CR1L: variants seen among roughly 807,000 people sequenced by gnomAD.
CR1L encodes complement C3b/C4b receptor 1 like.
In CR1L, 59 loss-of-function variants were observed where a neutral mutation model predicts 62.3. The observed-to-expected ratio is 0.95, with a 90% CI of 0.77 to 1.18. The LOEUF is 1.18. Ranked by LOEUF, CR1L falls within the 50% of genes most tolerant of loss-of-function variation. The pLI is 0.00. For synonymous variants in CR1L, 279 were observed against 248.7 expected (o/e 1.12, Z -1.15); for missense variants, 700 against 702.8 (o/e 1.00, Z 0.04).
At chr1:207,693,342 C>A (rs1383947776) in intron 4 of CR1L, among the ~76,000 whole-genome samples, 3 of 152,078 alleles carry the variant, frequency 2.0e-5, no homozygotes, top group Non-Finnish European at 2.9e-5. Flanking sequence ...GGTCTCAAAC[C>A]CCTGACCTCA....
chr1:207,698,423 T>C (rs1397799055), intron 7 of CR1L, among the ~76,000 whole-genome samples: 3 of 152,208 alleles, frequency 2.0e-5, no homozygotes, highest in Non-Finnish European at 4.4e-5. Flanking sequence ...GGGGTTCTGA[T>C]GGCTGCTGTT....
At chr1:207,645,931 A>T (rs1276117366) in intron 1 of CR1L, among the ~76,000 whole-genome samples, 1 of 152,192 alleles carries the variant, frequency 6.6e-6, no homozygotes, top group East Asian at 1.9e-4. Flanking sequence ...TGGGCAAGAC[A>T]GCTCACTGTT....
chr1:207,651,166 C>T (rs189922530), intron 1 of CR1L, among the ~76,000 whole-genome samples: 1 of 152,196 alleles, frequency 6.6e-6, no homozygotes, highest in Non-Finnish European at 1.5e-5. Flanking sequence ...GATATAATGG[C>T]ACCTACTGTT....
chr1:207,693,740 C>T (rs1664029049), intron 4 of CR1L, among the ~76,000 whole-genome samples: 1 of 151,508 alleles, frequency 6.6e-6, no homozygotes, highest in African/African-American at 2.4e-5. Flanking sequence ...CTTGAAAGTT[C>T]AATAGAGCTT....
rs370932489 is a variant in CR1L at position 207,697,539 on chromosome 1, G to T, written c.899G>T (p.Arg300Leu). The T allele has an allele frequency of 6.2e-7, 1 of 1,613,766 alleles. No homozygotes were observed. Among genetic ancestry groups the T allele is most frequent in the Non-Finnish European group, 8.5e-7 (1 of 1,179,726 alleles). Reference protein sequence around the residue: ...QPPPDVLHAERTQRDKDNFSP... With the variant: ...QPPPDVLHAELTQRDKDNFSP... ...CCTCCAGATGTCCTGCATGCTGAGC[G>T]TACCCAAAGGGACAAGGACAACTTT... Residue 300 changes from arginine to leucine, a missense_variant, in exon 6 of 12, where the codon CGT (arginine) becomes CTT (leucine). Transcript: ENST00000508064.
At chr1:207,648,623 C>T (rs893597747) in intron 1 of CR1L, among the ~76,000 whole-genome samples, 1 of 152,172 alleles carries the variant, frequency 6.6e-6, no homozygotes, top group Non-Finnish European at 1.5e-5. Context: ...ATTCATTCCT[C>T]CAGAAGAGGA....
chr1:207,714,059 C>T (rs139355927), intron 10 of CR1L, among the ~76,000 whole-genome samples: 116 of 152,296 alleles, frequency 7.6e-4, no homozygotes, highest in African/African-American at 1.9e-3. Flanking sequence ...GTTCTTGTCC[C>T]GCATCCAAGA....
At chr1:207,694,830 G>C (rs1245969052) in intron 5 of CR1L, 79 bp downstream of exon 5, 2 of 1,605,092 alleles carry the variant, frequency 1.2e-6, no homozygotes, top group Non-Finnish European at 1.7e-6. Context: ...ATTTGTTCAG[G>C]GGGAGGGATT....
intron 1 of CR1L, among the ~76,000 whole-genome samples, chr1:207,649,456 C>T (rs997386694): frequency 1.3e-5 from 2 of 152,138 alleles, no homozygotes; most frequent in African/African-American, 4.8e-5. Flanking sequence ...CAGCTTGAGC[C>T]CTTTTGTTTG....
chr1:207,696,974 C>T (rs1347393277), intron 5 of CR1L, among the ~76,000 whole-genome samples: 1 of 152,154 alleles, frequency 6.6e-6, no homozygotes, highest in African/African-American at 2.4e-5. Context: ...AGTTCTTTAC[C>T]ACCCTATGTC....
At chr1:207,647,088 G>T (rs536544174) in intron 1 of CR1L, among the ~76,000 whole-genome samples, 3 of 152,134 alleles carry the variant, frequency 2.0e-5, no homozygotes, top group African/African-American at 7.2e-5. Flanking sequence ...GCTTAATGCC[G>T]GGAACACAGT....
At chr1:207,669,321 C>G in intron 1 of CR1L, 1 of 646,650 alleles carries the variant, frequency 1.5e-6, no homozygotes, top group South Asian at 1.7e-5. Flanking sequence ...CCCGGAACCC[C>G]GCAGCCCTCC....
Position 207,717,475 on chromosome 1 carries a change from C to G in CR1L, c.1426C>G (p.Pro476Ala). 1 of 1,613,412 alleles carries G rather than the reference C, an allele frequency of 6.2e-7. No homozygotes were observed. The change falls in exon 11 of 12, where the codon CCA becomes GCA. Residue 476 changes from proline to alanine, a missense_variant. Pro to Ala is a conservative substitution (Grantham distance 27). Transcript: ENST00000508064. ...KPPICQQIFC[P>A]NPPAILNGRH... is the part of the protein sequence containing the mutation. Reference sequence around the variant, plus strand: ...TGTTTTCTTTCTAGAAATCTTTTGTCCAAATCCTCCAGCTATCCTTAATGG... The same window carrying G: ...TGTTTTCTTTCTAGAAATCTTTTGTGCAAATCCTCCAGCTATCCTTAATGG...
intron 11 of CR1L, among the ~76,000 whole-genome samples, chr1:207,720,050 T>A (rs1654094980): frequency 6.6e-6 from 1 of 152,186 alleles, no homozygotes; most frequent in Non-Finnish European, 1.5e-5. Context: ...GGGCAATTCT[T>A]AAGTTGGATG....
intron 11 of CR1L, among the ~76,000 whole-genome samples, chr1:207,722,596 C>A (rs1461447897): frequency 6.6e-6 from 1 of 151,834 alleles, no homozygotes; most frequent in Non-Finnish European, 1.5e-5. Flanking sequence ...GTTACTGTAG[C>A]CTTGTAGTAT....
intron 4 of CR1L, among the ~76,000 whole-genome samples, chr1:207,692,932 T>C (rs1203469645): frequency 6.6e-6 from 1 of 152,218 alleles, no homozygotes; most frequent in Non-Finnish European, 1.5e-5. Context: ...ATCAATCCTA[T>C]ATGAAACTAT....
intron 11 of CR1L, among the ~76,000 whole-genome samples, chr1:207,723,320 C>A (rs557440430): frequency 8.6e-5 from 13 of 151,334 alleles, no homozygotes; most frequent in African/African-American, 2.9e-4. Flanking sequence ...TTCCCAGCTA[C>A]ACAGGAGGCT....
chr1:207,696,087 A>C (rs554029718), intron 5 of CR1L, among the ~76,000 whole-genome samples: 1 of 152,224 alleles, frequency 6.6e-6, no homozygotes, highest in Admixed American at 6.5e-5. Flanking sequence ...GAGTTACCAG[A>C]GATCAGGGAG....
intron 3 of CR1L, among the ~76,000 whole-genome samples, chr1:207,683,023 T>TTTCC (rs1165287608): frequency 2.5e-4 from 30 of 121,492 alleles, no homozygotes; most frequent in Admixed American, 7.3e-4. Context: ...TCTTTCTTTC[T>TTTCC]TTCCTTCCTT....
Sources: gnomAD v4.1 joint callset for allele counts (sites outside exome capture counted in the v4.1 genomes callset) on GRCh38, gnomAD v4.1.1 for gene constraint, MANE v1.5 for transcripts, NCBI Gene and HGNC (gene_info 2026-07-23, HGNC 2026-07-21) for gene names.